PPP1R1C: variants seen among roughly 807,000 people sequenced by gnomAD.
PPP1R1C encodes protein phosphatase 1 regulatory inhibitor subunit 1C.
Under a neutral mutation model 17.4 loss-of-function variants are expected in PPP1R1C, and 15 were observed. The ratio of observed to expected loss-of-function variants is 0.86; its 90% CI spans 0.58 to 1.33. The LOEUF (loss-of-function observed/expected upper bound fraction) is 1.33. Ranked by LOEUF, PPP1R1C falls within the 40% of genes most tolerant of loss-of-function variation. The pLI is 0.00. For missense variants in PPP1R1C, 143 were observed against 130.0 expected, an observed-to-expected ratio of 1.10 and a Z score of -0.48; for synonymous variants, 35 against 43.1, an observed-to-expected ratio of 0.81 and a Z score of 0.73.
At position 181,962,092 on chromosome 2, in the gene PPP1R1C, G is replaced by C. The variant is rs949256696; in HGVS notation, n.111+7458G>C. On this transcript the variant is annotated intron_variant and non_coding_transcript_variant, in intron 1 of 5. Transcript: ENST00000464264. This position sits in a 1 kb window ranked among gnomAD's most constrained non-coding sequence, Gnocchi z 6.0. The stretch of plus-strand genomic sequence containing the variant: ...CCCTCAGGTCCTCGATGGTCTTGAG[G>C]TAATGACTCCAGTCTCTGACCTGGA... 7 of 722,010 alleles carry C rather than the reference G, an allele frequency of 9.7e-6. No individual in the cohort carries two copies. The highest frequency in any genetic ancestry group is 1.8e-5 in the Non-Finnish European group (7 of 391,206). The allele number at this position is 722,010 out of a possible 1,614,324, so 44.7% of individuals were successfully genotyped here. A position where few individuals can be genotyped will look rare whatever the true frequency, so the allele number is the denominator to read the frequency against.
chr2:182,103,787 T>A (rs1689169644), intron 4 of PPP1R1C: 1 of 152,072 alleles, frequency 6.6e-6, no homozygotes, highest in Non-Finnish European at 1.5e-5. Context: ...GCAAGCTGAG[T>A]AATGAGAAAC....
intron 4 of PPP1R1C, among the ~76,000 whole-genome samples, chr2:182,078,846 C>T (rs1688391566): frequency 6.6e-6 from 1 of 152,178 alleles, no homozygotes; most frequent in South Asian, 2.1e-4. Context: ...GTAAACACTA[C>T]TCCTGAGAAA....
chr2:182,130,917 G>A (rs1020678095), downstream of PPP1R1C: 2 of 152,166 alleles, frequency 1.3e-5, no homozygotes, highest in African/African-American at 4.8e-5. Flanking sequence ...ACTTGCCTAT[G>A]ATAACAAGCT....
At chr2:182,069,298 T>C (rs1229548072) in intron 4 of PPP1R1C, among the ~76,000 whole-genome samples, 5 of 151,886 alleles carry the variant, frequency 3.3e-5, no homozygotes, top group Non-Finnish European at 7.4e-5. Flanking sequence ...TAAACCCAAG[T>C]ATGCTCCTAT....
At chr2:182,106,620 T>G (rs892584865) in intron 4 of PPP1R1C, among the ~76,000 whole-genome samples, 11 of 152,152 alleles carry the variant, frequency 7.2e-5, no homozygotes, top group African/African-American at 2.4e-4. Flanking sequence ...TGTGATCCAA[T>G]TTTTTTCTTT....
chr2:182,099,486 T>C (rs1689038544), intron 4 of PPP1R1C, among the ~76,000 whole-genome samples: 1 of 152,184 alleles, frequency 6.6e-6, no homozygotes, highest in South Asian at 2.1e-4. Context: ...AAAACCTCAC[T>C]CTTACCTAGA....
intron 4 of PPP1R1C, among the ~76,000 whole-genome samples, chr2:182,092,432 C>T (rs750693540): frequency 1.3e-5 from 2 of 152,036 alleles, no homozygotes; most frequent in Non-Finnish European, 2.9e-5. Context: ...ATCATTCAGC[C>T]CCTGGCCCCT....
chr2:182,106,926 T>A (rs1245923068), intron 4 of PPP1R1C, among the ~76,000 whole-genome samples: 9 of 152,134 alleles, frequency 5.9e-5, no homozygotes, highest in Admixed American at 5.9e-4. Flanking sequence ...ACACCCCCAC[T>A]GCATGCCCTT....
intron 4 of PPP1R1C, among the ~76,000 whole-genome samples, chr2:182,078,392 C>T (rs942698240): frequency 6.6e-6 from 1 of 152,014 alleles, no homozygotes; most frequent in Non-Finnish European, 1.5e-5. Context: ...TTCAGGACAA[C>T]CGTAACCAAA....
At chr2:182,037,203 A>G (rs903987694) in intron 2 of PPP1R1C, among the ~76,000 whole-genome samples, 1 of 152,240 alleles carries the variant, frequency 6.6e-6, no homozygotes, top group South Asian at 2.1e-4. Context: ...TTGTTGACTC[A>G]TATTTCTTTC....
At chr2:182,023,230 G>A (rs930488834) in intron 2 of PPP1R1C, among the ~76,000 whole-genome samples, 1 of 152,096 alleles carries the variant, frequency 6.6e-6, no homozygotes, top group African/African-American at 2.4e-5. Flanking sequence ...TGATCCCACA[G>A]CTAAAAATTC....
At chr2:182,033,133 A>G (rs999765708) in intron 2 of PPP1R1C, among the ~76,000 whole-genome samples, 1 of 152,120 alleles carries the variant, frequency 6.6e-6, no homozygotes, top group African/African-American at 2.4e-5. Flanking sequence ...ATTGTTAGCT[A>G]TGTTAACTTT....
At chr2:181,993,819 A>T (rs1023968140) in intron 2 of PPP1R1C, among the ~76,000 whole-genome samples, 1 of 152,090 alleles carries the variant, frequency 6.6e-6, no homozygotes, top group Non-Finnish European at 1.5e-5. Context: ...TGAGCCAAAG[A>T]TGAGGTTCCA....
chr2:182,082,167 T>G (rs1030380212), intron 4 of PPP1R1C, among the ~76,000 whole-genome samples: 1 of 152,188 alleles, frequency 6.6e-6, no homozygotes, highest in Admixed American at 6.5e-5. Flanking sequence ...TCTTGTGAGC[T>G]AGTTAGGAAT....
intron 5 of PPP1R1C, among the ~76,000 whole-genome samples, chr2:182,126,279 T>C (rs1253932988): frequency 6.6e-6 from 1 of 152,090 alleles, no homozygotes; most frequent in Non-Finnish European, 1.5e-5. Flanking sequence ...TATATACATA[T>C]ACAATTTTTA....
At chr2:181,994,614 G>C (rs116051236) in intron 2 of PPP1R1C, among the ~76,000 whole-genome samples, 2,478 of 152,176 alleles carry the variant, frequency 0.016, 77 homozygotes, top group African/African-American at 0.056. Context: ...CCCATTGTCT[G>C]GTCATGTTAG....
At chr2:182,085,441 A>C (rs1432581347) in intron 4 of PPP1R1C, among the ~76,000 whole-genome samples, 3 of 152,120 alleles carry the variant, frequency 2.0e-5, no homozygotes, top group Admixed American at 6.6e-5. Flanking sequence ...TGTAGTTACA[A>C]ATTTTTTTCT....
At chr2:182,010,160 G>T (rs929654768) in intron 2 of PPP1R1C, among the ~76,000 whole-genome samples, 1 of 151,572 alleles carries the variant, frequency 6.6e-6, no homozygotes. Flanking sequence ...TCTGTGAAAA[G>T]TGTCATTGGT....
At chr2:182,041,223 T>A (rs1450691057) in intron 2 of PPP1R1C, among the ~76,000 whole-genome samples, 2 of 152,212 alleles carry the variant, frequency 1.3e-5, no homozygotes, top group African/African-American at 2.4e-5. Flanking sequence ...TTGCATTGGA[T>A]GTGTTTTAAT....
Sources: allele counts gnomAD v4.1 joint callset (sites outside exome capture counted in the v4.1 genomes callset), GRCh38; gene constraint gnomAD v4.1.1; non-coding constraint Gnocchi (gnomAD v3.1); transcripts MANE v1.5; gene names NCBI Gene and HGNC (gene_info 2026-07-23, HGNC 2026-07-21).